Variants in PHACTR3 observed in about 807,000 individuals in gnomAD.
The protein encoded by PHACTR3 is protein phosphatase 1, regulatory subunit 123.
A neutral mutation model predicts 66.8 loss-of-function variants in PHACTR3; 16 were observed. The observed-to-expected ratio is 0.24, with a 90% CI of 0.16 to 0.36. The LOEUF (loss-of-function observed/expected upper bound fraction) is 0.36. Among genes scored for constraint, PHACTR3 ranks in the 10% least tolerant of loss-of-function variants. The pLI is 1.00. For missense variants in PHACTR3, 647 were observed against 719.9 expected, an observed-to-expected ratio of 0.90 and a Z score of 1.16; for synonymous variants, 323 against 292.1, an observed-to-expected ratio of 1.11 and a Z score of -1.08.
chr20:59,701,367 A>T (rs1007739548), intron 1 of PHACTR3, among the ~76,000 whole-genome samples: 2 of 152,146 alleles, frequency 1.3e-5, no homozygotes, highest in Admixed American at 6.6e-5. Context: ...GGGAATGCAG[A>T]CTTCTCACAA....
intron 1 of PHACTR3, among the ~76,000 whole-genome samples, chr20:59,664,436 C>A (rs2035918453): frequency 6.6e-6 from 1 of 152,168 alleles, no homozygotes; most frequent in Non-Finnish European, 1.5e-5. Flanking sequence ...CTCCCGCCCT[C>A]CTGGAGGCTC....
chr20:59,672,745 C>T (rs1236331202), intron 1 of PHACTR3, among the ~76,000 whole-genome samples: 1 of 152,230 alleles, frequency 6.6e-6, no homozygotes, highest in African/African-American at 2.4e-5. Flanking sequence ...CTCCTTCCCT[C>T]CACCATCTCT....
At chr20:59,623,533 C>A (rs948677006) in intron 1 of PHACTR3, among the ~76,000 whole-genome samples, 1 of 152,218 alleles carries the variant, frequency 6.6e-6, no homozygotes, top group African/African-American at 2.4e-5. Context: ...CAGGAAATTT[C>A]TATGCATTCT....
At chr20:59,633,173 T>C (rs1436554556) in intron 1 of PHACTR3, among the ~76,000 whole-genome samples, 1 of 152,204 alleles carries the variant, frequency 6.6e-6, no homozygotes, top group Non-Finnish European at 1.5e-5. Context: ...TTTTGAAATA[T>C]AAATCATTCT....
intron 1 of PHACTR3, among the ~76,000 whole-genome samples, chr20:59,642,530 T>A: frequency 6.6e-6 from 1 of 150,660 alleles, no homozygotes; most frequent in Non-Finnish European, 1.5e-5. Context: ...CTTTATTAAA[T>A]TAATACATCA....
chr20:59,602,568 A>G (rs1378817305), upstream of PHACTR3, among the ~76,000 whole-genome samples: 3 of 152,024 alleles, frequency 2.0e-5, no homozygotes, highest in Non-Finnish European at 4.4e-5. Context: ...AATCATAGGG[A>G]TGGTTGGCAA....
At chr20:59,795,078 A>C (rs1358637559) in intron 7 of PHACTR3, among the ~76,000 whole-genome samples, 1 of 151,672 alleles carries the variant, frequency 6.6e-6, no homozygotes, top group African/African-American at 2.4e-5. Context: ...CTTGAGGTAT[A>C]GTGTTAGGTT....
At chr20:59,598,971 G>T (rs1238587319) in intron 1 of PHACTR3, among the ~76,000 whole-genome samples, 1 of 152,214 alleles carries the variant, frequency 6.6e-6, no homozygotes, top group Non-Finnish European at 1.5e-5. Flanking sequence ...AGTTTAGCCT[G>T]AGATCGTGGC....
chr20:59,796,476 A>G (rs1231130048), intron 7 of PHACTR3, among the ~76,000 whole-genome samples: 2 of 152,166 alleles, frequency 1.3e-5, no homozygotes, highest in African/African-American at 4.8e-5. Context: ...TGTTTTCATG[A>G]TAGTAATTAT....
intron 1 of PHACTR3, among the ~76,000 whole-genome samples, chr20:59,700,467 A>T (rs1250047765): frequency 1.3e-5 from 2 of 152,234 alleles, no homozygotes; most frequent in Non-Finnish European, 2.9e-5. Flanking sequence ...TTGGCCTGCA[A>T]AGATATTATA....
chr20:59,768,358 C>G (rs1312621980), intron 5 of PHACTR3, among the ~76,000 whole-genome samples: 1 of 152,180 alleles, frequency 6.6e-6, no homozygotes, highest in African/African-American at 2.4e-5. Context: ...GTTACAATCA[C>G]CTAACCAGTG....
intron 11 of PHACTR3, among the ~76,000 whole-genome samples, chr20:59,843,046 CA>C (rs2059092983): frequency 1.3e-5 from 2 of 151,950 alleles, no homozygotes; most frequent in Admixed American, 6.6e-5. Context: ...CAAAATCACA[CA>C]AAAATTAGTA....
intron 1 of PHACTR3, among the ~76,000 whole-genome samples, chr20:59,632,429 A>G (rs1015394802): frequency 2.0e-5 from 3 of 152,114 alleles, no homozygotes; most frequent in Admixed American, 1.3e-4. Flanking sequence ...AAGCGCTTGG[A>G]AAGAGTTGTT....
chr20:59,768,945 C>A (rs2040275023), intron 5 of PHACTR3, among the ~76,000 whole-genome samples: 1 of 152,244 alleles, frequency 6.6e-6, no homozygotes, highest in Non-Finnish European at 1.5e-5. Context: ...CTGTGGTGCC[C>A]TGTGGTTCCC....
intron 1 of PHACTR3, among the ~76,000 whole-genome samples, chr20:59,588,312 C>G (rs1600869189): frequency 6.6e-6 from 1 of 152,200 alleles, no homozygotes; most frequent in South Asian, 2.1e-4. Context: ...ATAGTTAAAA[C>G]AAATCTGGGA....
intron 1 of PHACTR3, among the ~76,000 whole-genome samples, chr20:59,680,592 C>T (rs532509643): frequency 1.3e-4 from 20 of 152,308 alleles, no homozygotes; most frequent in Admixed American, 1.0e-3. Flanking sequence ...GCCTGTGGGA[C>T]GCATGCAGCC....
intron 8 of PHACTR3, among the ~76,000 whole-genome samples, chr20:59,822,963 C>A (rs76427899): frequency 0.054 from 8,192 of 152,228 alleles, 378 homozygotes; most frequent in African/African-American, 0.13. Context: ...GGCAGGGGCC[C>A]TGCCCGAGCA....
intron 4 of PHACTR3, among the ~76,000 whole-genome samples, chr20:59,764,516 T>C (rs1221722064): frequency 6.6e-6 from 1 of 152,116 alleles, no homozygotes; most frequent in Non-Finnish European, 1.5e-5. Flanking sequence ...ATACAGATTA[T>C]TGTACAGATG....
chr20:59,762,818 C>G (rs2040038273), intron 4 of PHACTR3, among the ~76,000 whole-genome samples: 10 of 152,224 alleles, frequency 6.6e-5, no homozygotes, highest in Admixed American at 6.5e-4. Flanking sequence ...GAAGTTCTGA[C>G]AGCTCACACT....
Sources: allele counts gnomAD v4.1 joint callset (sites outside exome capture counted in the v4.1 genomes callset), GRCh38; gene constraint gnomAD v4.1.1; transcripts MANE v1.5; gene names NCBI Gene and HGNC (gene_info 2026-07-23, HGNC 2026-07-21).